The following KIF26B variants were observed in gnomAD, a reference collection of about 807,000 sequenced individuals.
KIF26B encodes the protein kinesin-like protein KIF26B.
Under a neutral mutation model 151.2 loss-of-function variants are expected in KIF26B, and 63 were observed. The ratio of observed to expected loss-of-function variants is 0.42; its 90% confidence interval spans 0.34 to 0.51. The LOEUF (loss-of-function observed/expected upper bound fraction) is 0.51. Among genes scored for constraint, KIF26B ranks in the 20% least tolerant of loss-of-function variants. The probability of loss-of-function intolerance (pLI) is 0.07; values close to 1 mark genes in which losing one functional copy is unlikely to be tolerated. For synonymous variants in KIF26B, 1,357 were observed against 1,262.1 expected, an observed-to-expected ratio of 1.08 and a Z score of -1.59; for missense variants, 2,813 against 2,913.6, an observed-to-expected ratio of 0.97 and a Z score of 0.79.
Position 245,394,208 on chromosome 1 carries a change from C to T in KIF26B, c.1000-25371C>T, listed in dbSNP as rs146654869. ...TTTCTTCCTCTCCCATTTTCTCTGT[C>T]GTCGTGAGTTTCTGCCATCTTAAAA... On this transcript the variant is annotated intron_variant, in intron 3 of 14. Coordinates refer to ENST00000407071, the MANE Select transcript of KIF26B (RefSeq NM_018012.4). Among the ~76,000 whole-genome samples the T allele has an allele frequency of 6.5e-4, 99 of 152,288 alleles. 1 individual carries two copies. The South Asian group carries it at 9.7e-3, about 15-fold the overall frequency.
At chr1:245,476,990 TGAGAG>T (rs979778579) in intron 4 of KIF26B, among the ~76,000 whole-genome samples, 14 of 151,844 alleles carry the variant, frequency 9.2e-5, no homozygotes, top group Non-Finnish European at 1.3e-4. Flanking sequence ...TGTTACACCT[TGAGAG>T]GAGAGGTCAA....
chr1:245,402,515 C>T (rs950827023), intron 3 of KIF26B, among the ~76,000 whole-genome samples: 11 of 152,190 alleles, frequency 7.2e-5, no homozygotes, highest in African/African-American at 1.7e-4. Flanking sequence ...TTCATAAATA[C>T]TGCCTGTTCC....
At chr1:245,569,132 G>A (rs2043039286) in intron 5 of KIF26B, among the ~76,000 whole-genome samples, 3 of 152,270 alleles carry the variant, frequency 2.0e-5, no homozygotes, top group South Asian at 4.1e-4. Flanking sequence ...GGAGGATCTA[G>A]AGCCCTTTGC....
At chr1:245,419,847 G>T (rs1014965631) in intron 4 of KIF26B, 102 bp downstream of exon 4, 15 of 1,059,688 alleles carry the variant, frequency 1.4e-5, no homozygotes, top group Non-Finnish European at 1.9e-5. Context: ...GTTTGGGGCC[G>T]TTCTGTGATG....
Position 245,406,045 on chromosome 1 carries a change from C to A in KIF26B, c.1000-13534C>A, listed in dbSNP as rs139548619. On this transcript the variant is annotated intron_variant, in intron 3 of 14. Coordinates refer to ENST00000407071, the MANE Select transcript of KIF26B (RefSeq NM_018012.4). ...CACAAAGGCCACTCAAAGGTTAAGTCGGGGCATTTTTTAGAGATGTAATGG... is the reference window on the plus strand; with the variant it reads ...CACAAAGGCCACTCAAAGGTTAAGTAGGGGCATTTTTTAGAGATGTAATGG... Among the ~76,000 whole-genome samples, 3 of 152,210 alleles carry A rather than the reference C, an allele frequency of 2.0e-5. No individual in the cohort carries two copies. The South Asian group carries it at 6.2e-4, about 32-fold the overall frequency.
In KIF26B at chr1:245,612,111, A is replaced by T. The variant is rs1307691076; in HGVS notation, c.2098+135A>T. 259 of 653,684 alleles carry T rather than the reference A, an allele frequency of 4.0e-4. 1 individual carries two copies. Among genetic ancestry groups the T allele is most frequent in the African/African-American group, 1.3e-3 (67 of 50,056 alleles). 40.5% of individuals were successfully genotyped at this position (653,684 alleles called of 1,614,324 possible). On this transcript the variant is annotated intron_variant, in intron 9 of 14. Coordinates refer to ENST00000407071, the MANE Select transcript of KIF26B (RefSeq NM_018012.4). ...GTGTGTGTGTGTGTGTGTGTGAGAG[A>T]GAGAGAGAGAGAGAGAGAGACAGGG...
In KIF26B at chr1:245,298,936, TA is replaced by T. The variant is rs11341557; in HGVS notation, c.466-67896del. Among the ~76,000 whole-genome samples the T allele has an allele frequency of 7.2e-3, 1,094 of 152,306 alleles. 12 individuals carry two copies. The highest frequency in any genetic ancestry group is 0.025 in the African/African-American group (1,021 of 41,576). On this transcript the variant is annotated intron_variant, in intron 2 of 14. Transcript: ENST00000407071. ...GGTGACTCTTTCACAGTTGATTGGG[TA>T]AGGAGAAGCGCTGTTCTCAGAGAAA... is the stretch of plus-strand genomic sequence containing the variant.
intron 2 of KIF26B, among the ~76,000 whole-genome samples, chr1:245,162,427 C>T (rs1272547862): frequency 2.4e-5 from 3 of 123,232 alleles, no homozygotes; most frequent in Non-Finnish European, 3.1e-5. Flanking sequence ...GCTCTGTTGC[C>T]CAGGCTGGAG....
In KIF26B at chr1:245,568,184, CAAAAAAAAAAAA is replaced by C. The variant is rs61494632; in HGVS notation, c.1350+27253_1350+27264del. The stretch of plus-strand genomic sequence containing the variant: ...TGGGCAACAGAGTGAAACTCCATCT[CAAAAAAAAAAAA>C]AAAAAAAAAAAAAAAAAAGAAGCTC... On this transcript the variant is annotated intron_variant, in intron 5 of 14. Transcript: ENST00000407071. 1.7e-3 allele frequency among the ~76,000 whole-genome samples: 50 copies of C among 28,708 alleles called. 1 individual carries two copies. The highest frequency in any genetic ancestry group is 4.8e-3 in the African/African-American group (36 of 7,540). 18.8% of individuals were successfully genotyped at this position (28,708 alleles called of 152,430 possible).
intron 2 of KIF26B, among the ~76,000 whole-genome samples, chr1:245,274,121 C>A (rs998439559): frequency 6.6e-6 from 1 of 152,152 alleles, no homozygotes; most frequent in Non-Finnish European, 1.5e-5. Flanking sequence ...CAGTCACATA[C>A]AAAATCTATA....
At chr1:245,614,718 CATGATGGTGAGCAAAG>C (rs1323768896) in intron 9 of KIF26B, 1 of 152,284 alleles carries the variant, frequency 6.6e-6, no homozygotes, top group Non-Finnish European at 1.5e-5. Context: ...CTCGACAGCC[CATGATGGTGAGCAAAG>C]TCTCACTGGA....
At chr1:245,590,298 G>A (rs1476676339) in intron 5 of KIF26B, among the ~76,000 whole-genome samples, 1 of 149,296 alleles carries the variant, frequency 6.7e-6, no homozygotes, top group Non-Finnish European at 1.5e-5. Context: ...TGTGCCCCCG[G>A]GGCGGCTGGG....
At chr1:245,355,510 C>T (rs1461610118) in intron 2 of KIF26B, among the ~76,000 whole-genome samples, 1 of 150,540 alleles carries the variant, frequency 6.6e-6, no homozygotes, top group African/African-American at 2.4e-5. Flanking sequence ...GTGGGAGGAC[C>T]ATTTGAGCCC....
chr1:245,539,517 T>A (rs1390797845), intron 4 of KIF26B, among the ~76,000 whole-genome samples: 1 of 152,216 alleles, frequency 6.6e-6, no homozygotes, highest in East Asian at 1.9e-4. Context: ...ATTAGAATCC[T>A]TAGAATAAGA....
chr1:245,468,294 A>G (rs1659838602), intron 4 of KIF26B, among the ~76,000 whole-genome samples: 1 of 152,190 alleles, frequency 6.6e-6, no homozygotes. Context: ...AATTGCTGAC[A>G]TGGAACCAGA....
intron 4 of KIF26B, among the ~76,000 whole-genome samples, chr1:245,461,782 C>A (rs147910238): frequency 6.0e-4 from 91 of 152,198 alleles, no homozygotes; most frequent in African/African-American, 1.9e-3. Context: ...TTTTAATTGC[C>A]GACAGAATGC....
At chr1:245,356,789 C>T (rs552513271) in intron 2 of KIF26B, among the ~76,000 whole-genome samples, 4 of 152,086 alleles carry the variant, frequency 2.6e-5, no homozygotes, top group South Asian at 2.1e-4. Flanking sequence ...AGACAATGAA[C>T]GGAATGTAGT....
At chr1:245,625,788 T>C (rs10754460) in intron 9 of KIF26B, among the ~76,000 whole-genome samples, 102,451 of 144,340 alleles carry the variant, frequency 0.71, 36,136 homozygotes, top group East Asian at 0.89. Flanking sequence ...GCACCCCACA[T>C]CCCGCCCCTT....
chr1:245,463,718 C>A (rs1773794), intron 4 of KIF26B, among the ~76,000 whole-genome samples: 7 of 152,184 alleles, frequency 4.6e-5, no homozygotes, highest in Non-Finnish European at 1.0e-4. Flanking sequence ...CAAAGCCCGT[C>A]TGGATTGTGA....
Sources: allele counts gnomAD v4.1 joint callset (sites outside exome capture counted in the v4.1 genomes callset), GRCh38; gene constraint gnomAD v4.1.1; transcripts MANE v1.5; gene names NCBI Gene and HGNC (gene_info 2026-07-23, HGNC 2026-07-21).